Variants in CSMD1 observed in about 807,000 individuals in gnomAD.
The protein encoded by CSMD1 is CUB and sushi domain-containing protein 1.
CSMD1 carries 213 observed loss-of-function variants against 417.5 expected under a neutral mutation model. The observed-to-expected ratio is 0.51, with a 90% confidence interval of 0.46 to 0.57. The LOEUF is 0.57. Among genes scored for constraint, CSMD1 ranks in the 20% least tolerant of loss-of-function variants. CSMD1 has a pLI of 0.00. For missense variants in CSMD1, 6,923 were observed against 4,529.7 expected, an observed-to-expected ratio of 1.53 and a Z score of -15.17; for synonymous variants, 2,862 against 1,736.8, an observed-to-expected ratio of 1.65 and a Z score of -16.11.
At chr8:4,633,926 T>A (rs1183400862) in intron 2 of CSMD1, among the ~76,000 whole-genome samples, 1 of 151,170 alleles carries the variant, frequency 6.6e-6, no homozygotes, top group Non-Finnish European at 1.5e-5. Context: ...TACTGGAGAC[T>A]GGGAAGCAAG....
At chr8:3,481,711 G>C (rs530224660) in intron 11 of CSMD1, among the ~76,000 whole-genome samples, 2 of 152,308 alleles carry the variant, frequency 1.3e-5, no homozygotes, top group Admixed American at 6.5e-5. Flanking sequence ...AGATGGTCTC[G>C]TGACTCTGAA....
chr8:4,035,705 G>A (rs983960214), intron 3 of CSMD1, among the ~76,000 whole-genome samples: 2 of 152,160 alleles, frequency 1.3e-5, no homozygotes, highest in South Asian at 2.1e-4. Flanking sequence ...TATGTTTTCA[G>A]TTAAATATTA....
At position 4,011,905 on chromosome 8, in the gene CSMD1, T is replaced by G. The variant is rs377164564; in HGVS notation, c.611-13795A>C. On this transcript the variant is annotated intron_variant, in intron 4 of 69. Coordinates refer to ENST00000635120, the MANE Select transcript of CSMD1 (RefSeq NM_033225.6). Reference sequence around the variant, plus strand: ...CCCTTATATAAAATGGAATTTTATTTGCATATAACTTATACACATCTTCCC... The same window carrying G: ...CCCTTATATAAAATGGAATTTTATTGGCATATAACTTATACACATCTTCCC... Among the ~76,000 whole-genome samples, 19 of 152,280 alleles carry G rather than the reference T, an allele frequency of 1.2e-4. No individual in the cohort carries two copies. In the East Asian group the frequency reaches 2.1e-3, roughly 17 times the overall value.
At chr8:3,313,677 G>A (rs919048870) in intron 23 of CSMD1, among the ~76,000 whole-genome samples, 8 of 152,168 alleles carry the variant, frequency 5.3e-5, no homozygotes, top group Non-Finnish European at 8.8e-5. Flanking sequence ...TGGTGGGACT[G>A]TAAACGAGTT....
chr8:4,446,175 G>T (rs192429656), intron 2 of CSMD1, among the ~76,000 whole-genome samples: 1 of 152,106 alleles, frequency 6.6e-6, no homozygotes, highest in African/African-American at 2.4e-5. Flanking sequence ...CATAAATGAC[G>T]CATCAAAGAA....
intron 25 of CSMD1, among the ~76,000 whole-genome samples, chr8:3,287,898 C>G (rs919110470): frequency 6.9e-6 from 1 of 144,456 alleles, no homozygotes; most frequent in East Asian, 2.0e-4. Flanking sequence ...AAAGGGAATG[C>G]TTCCAGTTTT....
chr8:4,648,919 T>C (rs1418460351), intron 1 of CSMD1, among the ~76,000 whole-genome samples: 1 of 152,198 alleles, frequency 6.6e-6, no homozygotes, highest in Non-Finnish European at 1.5e-5. Context: ...GTAAATCAAT[T>C]TCAGTCTGCA....
intron 65 of CSMD1, among the ~76,000 whole-genome samples, chr8:2,953,068 G>T (rs990643734): frequency 1.3e-5 from 2 of 152,078 alleles, no homozygotes; most frequent in African/African-American, 4.8e-5. Flanking sequence ...GGAGTGTATA[G>T]ATATTTCAAT....
intron 3 of CSMD1, among the ~76,000 whole-genome samples, chr8:4,252,633 G>T (rs550652807): frequency 4.6e-5 from 7 of 152,192 alleles, no homozygotes; most frequent in Non-Finnish European, 7.3e-5. Flanking sequence ...ATAGTCTCCA[G>T]AAGTAACACC....
At chr8:4,888,983 A>C (rs1803932075) in intron 1 of CSMD1, among the ~76,000 whole-genome samples, 1 of 152,148 alleles carries the variant, frequency 6.6e-6, no homozygotes, top group African/African-American at 2.4e-5. Context: ...CCAAGCATCA[A>C]AGAAATGATG....
At chr8:4,037,933 T>C (rs537324501) in intron 3 of CSMD1, among the ~76,000 whole-genome samples, 1 of 152,140 alleles carries the variant, frequency 6.6e-6, no homozygotes, top group Non-Finnish European at 1.5e-5. Context: ...AAAAAAGTTT[T>C]TCAAAATTCA....
intron 2 of CSMD1, among the ~76,000 whole-genome samples, chr8:4,525,906 G>A (rs1044948716): frequency 1.3e-5 from 2 of 152,122 alleles, no homozygotes; most frequent in African/African-American, 4.8e-5. Flanking sequence ...GATAAGTGCA[G>A]GCCTTAGTAA....
intron 17 of CSMD1, among the ~76,000 whole-genome samples, chr8:3,395,619 A>G (rs115208129): frequency 0.018 from 2,813 of 152,302 alleles, 80 homozygotes; most frequent in African/African-American, 0.063. Context: ...TTGTTTTAAA[A>G]TATGTTTAAT....
chr8:4,547,841 T>C (rs893568626), intron 2 of CSMD1, among the ~76,000 whole-genome samples: 1 of 152,182 alleles, frequency 6.6e-6, no homozygotes, highest in Admixed American at 6.5e-5. Context: ...TTAGGTTTTG[T>C]TGTTGTTGCA....
rs190127519 is a variant in CSMD1, at chr8:4,620,514, G to A, written c.302+16828C>T. ...GTTACCCCAAGATGATAAAAGACAA[G>A]GAAAACATGTTTCAAGAAATCTAAA... On this transcript the variant is annotated intron_variant, in intron 2 of 69. Transcript: ENST00000635120. Among the ~76,000 whole-genome samples the A allele has an allele frequency of 1.8e-3, 271 of 151,580 alleles. 1 individual carries two copies. Among genetic ancestry groups the A allele is most frequent in the African/African-American group, 5.8e-3 (241 of 41,478 alleles).
At chr8:2,991,721 A>G (rs1806405233) in intron 54 of CSMD1, among the ~76,000 whole-genome samples, 1 of 152,222 alleles carries the variant, frequency 6.6e-6, no homozygotes, top group South Asian at 2.1e-4. Context: ...AAAGTAATAG[A>G]TGTTCAGAAA....
At chr8:3,097,110 C>T in intron 46 of CSMD1, 73 bp from the exon 47 acceptor site, 6 of 1,187,336 alleles carry the variant, frequency 5.1e-6, no homozygotes, top group Non-Finnish European at 5.8e-6. Context: ...GTTTCTATCC[C>T]TGTATAAACA....
intron 3 of CSMD1, among the ~76,000 whole-genome samples, chr8:4,350,485 A>G (rs1801027627): frequency 1.3e-5 from 2 of 152,190 alleles, no homozygotes. Context: ...CAAACCACAC[A>G]TAAAGGTAAG....
intron 3 of CSMD1, among the ~76,000 whole-genome samples, chr8:4,147,093 C>T (rs1417430584): frequency 1.3e-5 from 2 of 152,040 alleles, no homozygotes; most frequent in East Asian, 1.9e-4. Context: ...ACTCCAATGA[C>T]TGTTTAGAAC....
Sources: gnomAD v4.1 joint callset for allele counts (sites outside exome capture counted in the v4.1 genomes callset) on GRCh38, gnomAD v4.1.1 for gene constraint, MANE v1.5 for transcripts, NCBI Gene and HGNC (gene_info 2026-07-23, HGNC 2026-07-21) for gene names.